Variants in MYOZ3 observed in about 807,000 individuals in gnomAD.
The protein encoded by MYOZ3 is myozenin 3.
Under a neutral mutation model 26.5 loss-of-function variants are expected in MYOZ3, and 19 were observed. The observed-to-expected ratio is 0.72, with a 90% CI of 0.50 to 1.05. MYOZ3 has a LOEUF of 1.05. Among genes scored for constraint, MYOZ3 ranks in the 50% least tolerant of loss-of-function variants. The probability of loss-of-function intolerance (pLI) is 0.00; values close to 1 mark genes in which losing one functional copy is unlikely to be tolerated. For missense variants in MYOZ3, 322 were observed against 337.1 expected (o/e 0.96, Z 0.35); for synonymous variants, 135 against 138.8 (o/e 0.97, Z 0.19).
At position 150,672,416 on chromosome 5, in the gene MYOZ3, T is replaced by C. The variant is rs1281541825; in HGVS notation, c.501T>C (p.Pro167=). 2 of 1,613,492 alleles carry C rather than the reference T, an allele frequency of 1.2e-6. No individual in the cohort carries two copies. The highest frequency in any genetic ancestry group is 2.7e-5 in the African/African-American group (2 of 75,062). ...CCATCTCCAAGGGCTACCGCTGCCC[T>C]TGGCAGGAGTTCGTCAGCTACCGGG... ...HTAISKGYRC[P]WQEFVSYRDY... Residue 167 remains proline (P), a synonymous_variant, in exon 6 of 7, where the codon CCT becomes CCC. Transcript: ENST00000517768.
At chr5:150,674,393 G>A (rs564245362) in intron 6 of MYOZ3, among the ~76,000 whole-genome samples, 1 of 152,332 alleles carries the variant, frequency 6.6e-6, no homozygotes, top group South Asian at 2.1e-4. Context: ...CTCTTCTGAG[G>A]GAGAAAGACC....
In MYOZ3 at chr5:150,670,886, C is replaced by CAA. The variant is rs61577179; in HGVS notation, c.216+270_216+271dup. Reference sequence around the variant, plus strand: ...GGAGTGAAGGGACTCTGGCTCCTACCAAAAAAAAAAAAAAAAAAAAAAAGC... The same window carrying CAA: ...GGAGTGAAGGGACTCTGGCTCCTACCAAAAAAAAAAAAAAAAAAAAAAAAAGC... On this transcript the variant is annotated intron_variant, in intron 3 of 6. Coordinates refer to ENST00000517768, the MANE Select transcript of MYOZ3 (RefSeq NM_001122853.3). 68 of 67,744 alleles carry CAA rather than the reference C, an allele frequency of 1.0e-3. 2 individuals are homozygous for CAA. The highest frequency in any genetic ancestry group is 1.3e-3 in the African/African-American group (22 of 16,604). The allele number at this position is 67,744 out of a possible 1,614,324, so 4.2% of individuals were successfully genotyped here.
intron 2 of MYOZ3, among the ~76,000 whole-genome samples, chr5:150,664,005 A>AT (rs1758772769): frequency 6.6e-6 from 1 of 151,960 alleles, no homozygotes; most frequent in Admixed American, 6.6e-5. Context: ...AAAAAAAAAA[A>AT]AAAGAAAAAG....
chr5:150,671,853 C>T lies in MYOZ3; in HGVS notation c.369C>T (p.Ala123=), dbSNP rs2151448157. 1 of 1,603,660 alleles carries T rather than the reference C, an allele frequency of 6.2e-7. No homozygotes were observed. Among genetic ancestry groups the T allele is most frequent in the Non-Finnish European group, 8.5e-7 (1 of 1,176,970 alleles). The change falls in exon 5 of 7, where the codon GCC becomes GCT. Residue 123 remains alanine, a synonymous_variant. Coordinates refer to ENST00000517768, the MANE Select transcript of MYOZ3 (RefSeq NM_001122853.3). ...PGASLGGPEG[A]HPAAAPAGCV... is the part of the protein sequence containing the mutation. ...CCTCACTCGGGGGTCCCGAGGGCGC[C>T]CACCCTGCAGCCGCCCCTGCTGGGT...
In MYOZ3 at chr5:150,676,894, G is replaced by C. The variant is rs1268618336; in HGVS notation, c.*19G>C. ...GCTGTAGCCCTAGCCTGAATCTTCA[G>C]TTCCCCAGTCTCGGGGGCCTGGTAA... On this transcript the variant is annotated 3_prime_UTR_variant, in exon 7 of 7. Coordinates refer to ENST00000517768, the MANE Select transcript of MYOZ3 (RefSeq NM_001122853.3). The C allele has an allele frequency of 1.3e-6, 2 of 1,593,564 alleles. No homozygotes were observed. Among genetic ancestry groups the C allele is most frequent in the African/African-American group, 1.3e-5 (1 of 74,460 alleles).
intron 6 of MYOZ3, among the ~76,000 whole-genome samples, chr5:150,675,426 G>T (rs1179711084): frequency 6.6e-6 from 1 of 151,892 alleles, no homozygotes; most frequent in Non-Finnish European, 1.5e-5. Flanking sequence ...AGGCTGCAGT[G>T]CAATGACACA....
chr5:150,671,112 C>T (rs1261200549), intron 3 of MYOZ3, among the ~76,000 whole-genome samples: 1 of 152,104 alleles, frequency 6.6e-6, no homozygotes, highest in East Asian at 1.9e-4. Context: ...CAGGCAGTTC[C>T]AGATACTTCT....
At position 150,676,752 on chromosome 5, in the gene MYOZ3, C is replaced by T; in HGVS notation, c.633C>T (p.Pro211=). 6.2e-7 allele frequency: 1 copy of T among 1,614,068 alleles called. No homozygotes were observed. The highest frequency in any genetic ancestry group is 8.5e-7 in the Non-Finnish European group (1 of 1,180,002). Residue 211 remains proline (P), a synonymous_variant, in exon 7 of 7, where the codon CCC becomes CCT. Coordinates refer to ENST00000517768, the MANE Select transcript of MYOZ3 (RefSeq NM_001122853.3). Reference sequence around the variant, plus strand: ...GACCCCTCGTGGGGGGCACTTTTCCCAGGCCAGGCACCCCCTTCATCCCGG... The same window carrying T: ...GACCCCTCGTGGGGGGCACTTTTCCTAGGCCAGGCACCCCCTTCATCCCGG... ...FGGPLVGGTF[P]RPGTPFIPEP... is the part of the protein sequence containing the mutation.
At chr5:150,676,320 C>T (rs565372111) in intron 6 of MYOZ3, among the ~76,000 whole-genome samples, 59 of 151,976 alleles carry the variant, frequency 3.9e-4, no homozygotes, top group African/African-American at 1.4e-3. Context: ...CCGAGATGGG[C>T]GGATCATGAG....
chr5:150,661,815 C>T (rs1758736431), intron 1 of MYOZ3, among the ~76,000 whole-genome samples: 2 of 152,198 alleles, frequency 1.3e-5, no homozygotes, highest in African/African-American at 4.8e-5. Flanking sequence ...GTGATCGAGG[C>T]ATTCTCAATC....
rs536063222 is a variant in MYOZ3, at chr5:150,677,462, C to T, written c.*587C>T. On this transcript the variant is annotated 3_prime_UTR_variant, in exon 7 of 7. Coordinates refer to ENST00000517768, the MANE Select transcript of MYOZ3 (RefSeq NM_001122853.3). ...AAATAAATAAATAGCAACCAGTACT[C>T]CAGGTGATTCCAGCATAACTTATCC... 1 of 152,866 alleles carries T rather than the reference C, an allele frequency of 6.5e-6. No individual in the cohort carries two copies. Among genetic ancestry groups the T allele is most frequent in the East Asian group, 1.9e-4 (1 of 5,326 alleles). The allele number at this position is 152,866 out of a possible 1,614,324, so 9.5% of individuals were successfully genotyped here.
chr5:150,663,306 T>A (rs1472507309), intron 2 of MYOZ3, among the ~76,000 whole-genome samples: 1 of 152,176 alleles, frequency 6.6e-6, no homozygotes, highest in African/African-American at 2.4e-5. Context: ...CAAATTAAGC[T>A]CTGAAGACTC....
intron 3 of MYOZ3, 101 bp downstream of exon 3, chr5:150,670,739 T>G: frequency 8.5e-7 from 1 of 1,173,258 alleles, no homozygotes; most frequent in Non-Finnish European, 1.2e-6. Context: ...ACTGTGATGT[T>G]CCCATCAGAT....
chr5:150,662,922 G>A lies in MYOZ3; in HGVS notation c.-1-19G>A. 7 of 1,607,996 alleles carry A rather than the reference G, an allele frequency of 4.4e-6. No individual in the cohort carries two copies. The highest frequency in any genetic ancestry group is 5.9e-6 in the Non-Finnish European group (7 of 1,176,534). On this transcript the variant is annotated intron_variant, in intron 1 of 6. Coordinates refer to ENST00000517768, the MANE Select transcript of MYOZ3 (RefSeq NM_001122853.3). ...AATGGAGGCAGCCTGGTCCATTTAT[G>A]GGGGTCTCTCCTCCACAGGATGATC...
At position 150,672,173 on chromosome 5, in the gene MYOZ3, A is replaced by G. The variant is rs774180883; in HGVS notation, c.425-167A>G. 6 of 1,092,620 alleles carry G rather than the reference A, an allele frequency of 5.5e-6. No homozygotes were observed. In the East Asian group the frequency reaches 1.5e-4, roughly 28 times the overall value. 67.7% of individuals were successfully genotyped at this position (1,092,620 alleles called of 1,614,324 possible). On this transcript the variant is annotated intron_variant, in intron 5 of 6. Transcript: ENST00000517768. Reference sequence around the variant, plus strand: ...GTCCTCCGTGTTTCCTGGGATGGGGAGGGGTCTCCTGTGCTGGAGCAACTG... The same window carrying G: ...GTCCTCCGTGTTTCCTGGGATGGGGGGGGGTCTCCTGTGCTGGAGCAACTG...
chr5:150,671,909 G>C lies in MYOZ3; in HGVS notation c.424+1G>C, dbSNP rs1258581350. 6.5e-7 allele frequency: 1 copy of C among 1,534,578 alleles called. No homozygotes were observed. Among genetic ancestry groups the C allele is most frequent in the East Asian group, 2.4e-5 (1 of 41,498 alleles). On this transcript the variant is annotated splice_donor_variant, in intron 5 of 6. Transcript: ENST00000517768. LOFTEE classifies it high-confidence loss of function. ...CCCAGCCCCAGCGCCCTGGCGCCAG[G>C]TGAGTGGCCTCCTCGGGTCCCGGGA... is the stretch of plus-strand genomic sequence containing the variant.
rs755285179 is a variant in MYOZ3, at chr5:150,662,928, C to A, written c.-1-13C>A. 5 of 1,608,110 alleles carry A rather than the reference C, an allele frequency of 3.1e-6. No individual in the cohort carries two copies. The South Asian group carries it at 4.4e-5, about 14-fold the overall frequency. ...GGCAGCCTGGTCCATTTATGGGGGTCTCTCCTCCACAGGATGATCCCCAAG... is the reference window on the plus strand; with the variant it reads ...GGCAGCCTGGTCCATTTATGGGGGTATCTCCTCCACAGGATGATCCCCAAG... On this transcript the variant is annotated splice_polypyrimidine_tract_variant and intron_variant, in intron 1 of 6. Coordinates refer to ENST00000517768, the MANE Select transcript of MYOZ3 (RefSeq NM_001122853.3).
chr5:150,668,194 GT>G (rs1283606213), intron 2 of MYOZ3, among the ~76,000 whole-genome samples: 4 of 152,152 alleles, frequency 2.6e-5, no homozygotes, highest in African/African-American at 4.8e-5. Flanking sequence ...TCATGGTGTG[GT>G]TAAACTTGTT....
chr5:150,676,760 G>T lies in MYOZ3; in HGVS notation c.641G>T (p.Gly214Val), dbSNP rs200883644. Residue 214 changes from glycine (G) to valine (V), a missense_variant, in exon 7 of 7, where the codon GGC becomes GTC. Physicochemically the swap from Gly to Val is moderately radical, Grantham distance 109. Coordinates refer to ENST00000517768, the MANE Select transcript of MYOZ3 (RefSeq NM_001122853.3). ...GTGGGGGGCACTTTTCCCAGGCCAGGCACCCCCTTCATCCCGGAGCCCCTC... is the reference window on the plus strand; with the variant it reads ...GTGGGGGGCACTTTTCCCAGGCCAGTCACCCCCTTCATCCCGGAGCCCCTC... ...PLVGGTFPRP[G>V]TPFIPEPLSG... The T allele has an allele frequency of 3.6e-4, 575 of 1,614,002 alleles. 1 individual carries two copies. The highest frequency in any genetic ancestry group is 1.6e-3 in the East Asian group (73 of 44,870).
Sources: allele counts gnomAD v4.1 joint callset (sites outside exome capture counted in the v4.1 genomes callset), GRCh38; gene constraint gnomAD v4.1.1; transcripts MANE v1.5; gene names NCBI Gene and HGNC (gene_info 2026-07-23, HGNC 2026-07-21).